Variants in DAGLA observed in about 807,000 individuals in gnomAD.
The protein encoded by DAGLA is diacylglycerol lipase-alpha.
Under a neutral mutation model 102.6 loss-of-function variants are expected in DAGLA, and 22 were observed. That is an observed-to-expected ratio of 0.21 (90% confidence interval 0.15 to 0.31). DAGLA has a LOEUF of 0.31. Among genes scored for constraint, DAGLA ranks in the 10% least tolerant of loss-of-function variants. The pLI, the probability that DAGLA is intolerant of heterozygous loss-of-function variation, is 1.00. For synonymous variants in DAGLA, 578 were observed against 628.9 expected, an observed-to-expected ratio of 0.92 and a Z score of 1.21; for missense variants, 927 against 1,446.6, an observed-to-expected ratio of 0.64 and a Z score of 5.83.
chr11:61,729,039 C>T (rs745973719), intron 8 of DAGLA, 31 bp downstream of exon 8: 20 of 1,587,132 alleles, frequency 1.3e-5, no homozygotes, highest in South Asian at 4.4e-5. Flanking sequence ...CACCCCACCC[C>T]GTCCCCATCC....
chr11:61,720,974 G>T lies in DAGLA; in HGVS notation c.307+84G>T, dbSNP rs560258637. 28 of 1,324,668 alleles carry T rather than the reference G, an allele frequency of 2.1e-5. No individual in the cohort carries two copies. The African/African-American group carries it at 3.3e-4, about 16-fold the overall frequency. The allele number at this position is 1,324,668 out of a possible 1,614,324, so 82.1% of individuals were successfully genotyped here. ...AGCCAGTATTTACTGCGCACATGTT[G>T]CGAGCCAGGCCCTGTTTTAGCACTG... On this transcript the variant is annotated intron_variant, in intron 3 of 19. Coordinates refer to ENST00000257215, the MANE Select transcript of DAGLA (RefSeq NM_006133.3).
rs57220536 is a variant in DAGLA, at chr11:61,740,001, C to A, written c.1853+340C>A. On this transcript the variant is annotated intron_variant, in intron 17 of 19. Transcript: ENST00000257215. ...CCCCTCAGGCCCTGGCCAGCTCACA[C>A]CTCAGTTGTCACTTGGTTTCACCAA... Among the ~76,000 whole-genome samples the A allele has an allele frequency of 1.1e-3, 165 of 152,348 alleles. 1 individual carries two copies. In the East Asian group the frequency reaches 0.025, roughly 23 times the overall value.
intron 1 of DAGLA, among the ~76,000 whole-genome samples, chr11:61,680,815 G>A (rs1450689219): frequency 6.6e-6 from 1 of 152,150 alleles, no homozygotes; most frequent in African/African-American, 2.4e-5. Flanking sequence ...GTGTGAGGTG[G>A]TGCAGCTGTC....
At position 61,735,997 on chromosome 11, in the gene DAGLA, C is replaced by T. The variant is rs979227285; in HGVS notation, c.1290+181C>T. On this transcript the variant is annotated intron_variant, in intron 12 of 19. Coordinates refer to ENST00000257215, the MANE Select transcript of DAGLA (RefSeq NM_006133.3). ...CCACTGCTGCGACCCCACTGCCCTG[C>T]ACAGCCCAGAGCCTGACCATGGAAG... Among the ~76,000 whole-genome samples the T allele has an allele frequency of 3.3e-5, 5 of 152,182 alleles. No individual in the cohort carries two copies. The East Asian group carries it at 9.6e-4, about 29-fold the overall frequency.
At chr11:61,721,001 G>T in intron 3 of DAGLA, 111 bp downstream of exon 3, 1 of 1,042,840 alleles carries the variant, frequency 9.6e-7, no homozygotes, top group Non-Finnish European at 1.4e-6. Context: ...TTAGCACTGG[G>T]GTACAGCAGT....
intron 15 of DAGLA, among the ~76,000 whole-genome samples, 172 bp downstream of exon 15, chr11:61,737,927 C>T (rs998128531): frequency 5.3e-5 from 8 of 152,182 alleles, no homozygotes; most frequent in East Asian, 3.9e-4. Flanking sequence ...GGTGAACGCA[C>T]GTGCTGGCGC....
intron 1 of DAGLA, among the ~76,000 whole-genome samples, chr11:61,717,382 T>C (rs2065244081): frequency 6.7e-6 from 1 of 149,942 alleles, no homozygotes; most frequent in South Asian, 2.1e-4. Context: ...ACCCCAGACC[T>C]TGACTTGTTG....
chr11:61,688,793 C>T (rs1361026204), intron 1 of DAGLA, among the ~76,000 whole-genome samples: 1 of 152,222 alleles, frequency 6.6e-6, no homozygotes, highest in Non-Finnish European at 1.5e-5. Flanking sequence ...ATGCGGAAAG[C>T]CTTGTGAGGA....
intron 1 of DAGLA, among the ~76,000 whole-genome samples, chr11:61,707,826 CAG>C (rs1288755332): frequency 6.6e-6 from 1 of 151,576 alleles, no homozygotes; most frequent in Non-Finnish European, 1.5e-5. Context: ...CCGGCAGGGA[CAG>C]AGTCAGACAA....
chr11:61,740,945 A>G (rs1406085967), intron 18 of DAGLA, among the ~76,000 whole-genome samples: 1 of 152,188 alleles, frequency 6.6e-6, no homozygotes, highest in East Asian at 1.9e-4. Flanking sequence ...GAAGGCAGGT[A>G]GGGCAGGAGC....
chr11:61,730,460 C>A (rs1472074054), intron 8 of DAGLA, among the ~76,000 whole-genome samples: 1 of 152,160 alleles, frequency 6.6e-6, no homozygotes, highest in Non-Finnish European at 1.5e-5. Context: ...ATGTTTCCAC[C>A]CCTCCGGGCC....
chr11:61,697,109 A>G (rs895024888), intron 1 of DAGLA, among the ~76,000 whole-genome samples: 2 of 152,126 alleles, frequency 1.3e-5, no homozygotes, highest in Admixed American at 1.3e-4. Flanking sequence ...TCAGCCCCCT[A>G]CCTGCTCACC....
At chr11:61,712,424 T>G (rs1220315473) in intron 1 of DAGLA, among the ~76,000 whole-genome samples, 2 of 152,248 alleles carry the variant, frequency 1.3e-5, no homozygotes, top group East Asian at 3.9e-4. Context: ...TTTGTTAGCC[T>G]AAGACCCTGG....
intron 6 of DAGLA, among the ~76,000 whole-genome samples, chr11:61,726,667 A>G (rs1463167170): frequency 1.3e-5 from 2 of 152,188 alleles, no homozygotes; most frequent in Non-Finnish European, 2.9e-5. Flanking sequence ...CCCACCCCTC[A>G]TTTTACAGAT....
chr11:61,709,425 G>A (rs1323177965), intron 1 of DAGLA, among the ~76,000 whole-genome samples: 1 of 152,148 alleles, frequency 6.6e-6, no homozygotes, highest in Non-Finnish European at 1.5e-5. Flanking sequence ...TTGTAGAGAC[G>A]GGGTTTCACC....
At chr11:61,738,541 C>T (rs921849991) in intron 16 of DAGLA, among the ~76,000 whole-genome samples, 4 of 152,224 alleles carry the variant, frequency 2.6e-5, no homozygotes, top group African/African-American at 9.6e-5. Flanking sequence ...AGAAAGCGAT[C>T]TGGAGGCTTT....
intron 1 of DAGLA, among the ~76,000 whole-genome samples, chr11:61,709,746 C>G (rs549326196): frequency 4.2e-4 from 64 of 152,286 alleles, no homozygotes; most frequent in African/African-American, 1.4e-3. Flanking sequence ...CTGTCACATA[C>G]TAGAGCTCTG....
At chr11:61,724,796 A>G (rs913213175) in intron 5 of DAGLA, among the ~76,000 whole-genome samples, 1 of 152,176 alleles carries the variant, frequency 6.6e-6, no homozygotes, top group Non-Finnish European at 1.5e-5. Flanking sequence ...TGGCCAGCAC[A>G]CTGTCCCTTC....
chr11:61,738,059 C>T (rs897011226), intron 15 of DAGLA, 76 bp from the exon 16 acceptor site: 44 of 1,207,346 alleles, frequency 3.6e-5, no homozygotes, highest in Non-Finnish European at 4.6e-5. Context: ...TGTGCCTGCC[C>T]CTCCGCCCCT....
Sources: allele counts gnomAD v4.1 joint callset (sites outside exome capture counted in the v4.1 genomes callset), GRCh38; gene constraint gnomAD v4.1.1; transcripts MANE v1.5; gene names NCBI Gene and HGNC (gene_info 2026-07-23, HGNC 2026-07-21).